The following PIK3R3 variants were observed in gnomAD, a reference collection of about 807,000 sequenced individuals.
PIK3R3 encodes phosphoinositide-3-kinase regulatory subunit 3.
A neutral mutation model predicts 62.9 loss-of-function variants in PIK3R3; 64 were observed. The ratio of observed to expected loss-of-function variants is 1.02; its 90% CI spans 0.83 to 1.25. The LOEUF (loss-of-function observed/expected upper bound fraction) is 1.25. Ranked by LOEUF, PIK3R3 falls within the 50% of genes most tolerant of loss-of-function variation. The probability of loss-of-function intolerance (pLI) is 0.00; values close to 1 mark genes in which losing one functional copy is unlikely to be tolerated. For synonymous variants in PIK3R3, 165 were observed against 189.0 expected (o/e 0.87, Z 1.04); for missense variants, 614 against 561.6 (o/e 1.09, Z -0.94).
At chr1:46,120,760 C>T (rs1470055463) in intron 1 of PIK3R3, among the ~76,000 whole-genome samples, 1 of 152,160 alleles carries the variant, frequency 6.6e-6, no homozygotes, top group Non-Finnish European at 1.5e-5. Flanking sequence ...CCCAATACAA[C>T]CATATACCTC....
intron 1 of PIK3R3, 158 bp downstream of exon 1, chr1:46,131,689 T>C: frequency 1.9e-6 from 1 of 527,070 alleles, no homozygotes; most frequent in Non-Finnish European, 3.5e-6. Context: ...ACTTTAAACG[T>C]GTAAACCAGA....
At chr1:46,092,489 G>A (rs567909621) in intron 1 of PIK3R3, among the ~76,000 whole-genome samples, 51 of 152,098 alleles carry the variant, frequency 3.4e-4, no homozygotes, top group African/African-American at 1.2e-3. Context: ...TCAGCCTCCC[G>A]AGTAGCTGGT....
chr1:46,159,979 C>T, the PIK3R3 span, among the ~76,000 whole-genome samples: 1 of 152,106 alleles, frequency 6.6e-6, no homozygotes, highest in South Asian at 2.1e-4. Context: ...AACACACAAG[C>T]AAACAAAAAC....
chr1:46,150,998 T>C, the PIK3R3 span, among the ~76,000 whole-genome samples: 1 of 151,504 alleles, frequency 6.6e-6, no homozygotes, highest in Non-Finnish European at 1.5e-5. Flanking sequence ...TTTAGTAGAG[T>C]CGAGGTTTCA....
chr1:46,126,537 CAAA>C (rs748267192), intron 1 of PIK3R3, among the ~76,000 whole-genome samples: 2 of 86,574 alleles, frequency 2.3e-5, no homozygotes, highest in Non-Finnish European at 2.4e-5. Context: ...GACCCTGTCT[CAAA>C]AAAAAAAAAA....
chr1:46,074,366 CACACCCTAAAT>C (rs1018777119), intron 3 of PIK3R3, among the ~76,000 whole-genome samples: 7 of 147,776 alleles, frequency 4.7e-5, no homozygotes, highest in Admixed American at 2.7e-4. Context: ...ACCATTATCT[CACACCCTAAAT>C]ACACCCTAAA....
chr1:46,157,258 C>A, the PIK3R3 span, among the ~76,000 whole-genome samples: 5 of 152,178 alleles, frequency 3.3e-5, no homozygotes, highest in Non-Finnish European at 5.9e-5. Context: ...CTCAGCCACC[C>A]AAGTAGCTGG....
At chr1:46,174,834 G>A in the PIK3R3 span, among the ~76,000 whole-genome samples, 475 of 152,144 alleles carry the variant, frequency 3.1e-3, 8 homozygotes, top group Non-Finnish European at 1.1e-3. Flanking sequence ...GGAAAACACT[G>A]ACCTCAGAGA....
chr1:46,163,754 G>T, the PIK3R3 span, among the ~76,000 whole-genome samples: 1 of 152,286 alleles, frequency 6.6e-6, no homozygotes, highest in East Asian at 1.9e-4. Flanking sequence ...ACTGTGAGAA[G>T]ACGTCACACA....
the PIK3R3 span, among the ~76,000 whole-genome samples, chr1:46,141,327 G>A: frequency 6.6e-6 from 1 of 151,928 alleles, no homozygotes; most frequent in Non-Finnish European, 1.5e-5. Context: ...CTGGAGTACA[G>A]TGGCATGATC....
chr1:46,167,380 G>A, the PIK3R3 span, among the ~76,000 whole-genome samples: 10 of 152,242 alleles, frequency 6.6e-5, no homozygotes, highest in Non-Finnish European at 1.3e-4. Context: ...CTGCAAGGAG[G>A]GGGTGTGCAC....
At chr1:46,137,608 T>G (rs932631657), upstream of PIK3R3, among the ~76,000 whole-genome samples, 3 of 152,240 alleles carry the variant, frequency 2.0e-5, no homozygotes, top group African/African-American at 7.2e-5. Context: ...TACATTGTGC[T>G]CACACAGACC....
chr1:46,062,476 G>A (rs778337554), intron 5 of PIK3R3, among the ~76,000 whole-genome samples: 55 of 152,178 alleles, frequency 3.6e-4, no homozygotes, highest in African/African-American at 1.1e-3. Flanking sequence ...TCAGGAGGCC[G>A]AGGCAGGAGA....
At chr1:46,139,001 A>G in the PIK3R3 span, 2 of 152,188 alleles carry the variant, frequency 1.3e-5, no homozygotes, top group Non-Finnish European at 2.9e-5. Context: ...GAAATTCTAA[A>G]TTATGTCATG....
In PIK3R3 at chr1:46,132,341, T is replaced by G; in HGVS notation, c.-389A>C. 9.1e-7 allele frequency: 1 copy of G among 1,100,926 alleles called. No individual in the cohort carries two copies. Among genetic ancestry groups the G allele is most frequent in the Non-Finnish European group, 1.1e-6 (1 of 897,288 alleles). 68.2% of individuals were successfully genotyped at this position (1,100,926 alleles called of 1,614,324 possible). On this transcript the variant is annotated 5_prime_UTR_variant, in exon 1 of 10. Transcript: ENST00000262741. ...TTTGTGTCCTTCGAAGGAGGGAGAATGAAGAGGAAAAAAAAGAACACGTTG... is the reference window on the plus strand; with the variant it reads ...TTTGTGTCCTTCGAAGGAGGGAGAAGGAAGAGGAAAAAAAAGAACACGTTG...
chr1:46,135,978 C>T (rs1196642390), upstream of PIK3R3, among the ~76,000 whole-genome samples: 1 of 145,938 alleles, frequency 6.9e-6, no homozygotes. Flanking sequence ...TGCAGTGAGC[C>T]GACATCACGC....
chr1:46,147,191 C>T, the PIK3R3 span, among the ~76,000 whole-genome samples: 1 of 152,174 alleles, frequency 6.6e-6, no homozygotes, highest in African/African-American at 2.4e-5. Context: ...TCACTGCAAC[C>T]CCCTGCTCCA....
Position 46,080,641 on chromosome 1 carries a change from C to T in PIK3R3, c.215+1G>A. 6.4e-7 allele frequency: 1 copy of T among 1,570,810 alleles called. No individual in the cohort carries two copies. Among genetic ancestry groups the T allele is most frequent in the Non-Finnish European group, 8.7e-7 (1 of 1,144,176 alleles). ...TTCAATTACAGTAGCATTCTAGTTA[C>T]CTTGAAATATCCCCCCAGTACCATT... On this transcript the variant is annotated splice_donor_variant, in intron 2 of 9. Transcript: ENST00000262741. LOFTEE classifies it high-confidence loss of function.
intron 1 of PIK3R3, among the ~76,000 whole-genome samples, chr1:46,119,829 G>A (rs1206216329): frequency 6.8e-6 from 1 of 148,060 alleles, no homozygotes; most frequent in African/African-American, 2.5e-5. Flanking sequence ...CCAGGCTGGA[G>A]TACAGTGGTA....
Sources: allele counts gnomAD v4.1 joint callset (sites outside exome capture counted in the v4.1 genomes callset), GRCh38; gene constraint gnomAD v4.1.1; transcripts MANE v1.5; gene names NCBI Gene and HGNC (gene_info 2026-07-23, HGNC 2026-07-21).